Variants in DYSF observed in about 807,000 individuals in gnomAD.
DYSF encodes the protein dystrophy-associated fer-1-like 1.
DYSF carries 212 observed loss-of-function variants against 274.9 expected under a neutral mutation model. That is an observed-to-expected ratio of 0.77 (90% CI 0.69 to 0.86). DYSF has a LOEUF of 0.86. Among genes scored for constraint, DYSF ranks in the 40% least tolerant of loss-of-function variants. DYSF has a pLI of 0.00. For missense variants in DYSF, 2,666 were observed against 2,783.2 expected (o/e 0.96, Z 0.95); for synonymous variants, 1,091 against 1,078.7 (o/e 1.01, Z -0.22).
At chr2:71,558,620 C>T (rs2091496165) in intron 22 of DYSF, among the ~76,000 whole-genome samples, 1 of 152,206 alleles carries the variant, frequency 6.6e-6, no homozygotes, top group South Asian at 2.1e-4. Context: ...CCTGTGGGCC[C>T]TGAGTCCTTG....
chr2:71,505,931 C>T (rs565206832), intron 4 of DYSF, among the ~76,000 whole-genome samples: 9 of 152,276 alleles, frequency 5.9e-5, no homozygotes, highest in South Asian at 2.1e-4. Context: ...GGACCTGAGG[C>T]GGGCAGGACA....
intron 48 of DYSF, among the ~76,000 whole-genome samples, chr2:71,668,514 C>T (rs1194484840): frequency 6.6e-6 from 1 of 152,208 alleles, no homozygotes; most frequent in African/African-American, 2.4e-5. Flanking sequence ...TCAGCCACCA[C>T]CATCTCTGAG....
chr2:71,515,660 G>A lies in DYSF; in HGVS notation c.797G>A (p.Gly266Glu), dbSNP rs141497053. 24 of 1,613,880 alleles carry A rather than the reference G, an allele frequency of 1.5e-5. No homozygotes were observed. Among genetic ancestry groups the A allele is most frequent in the Admixed American group, 1.2e-4 (7 of 59,982 alleles). ...VQVIEGRQLP[G>E]VNIKPVVKVT... ...GTGATCGAGGGGCGCCAGCTGCCGG[G>A]GGTGAACATCAAGCCTGTGGTCAAG... The change falls in exon 8 of 56, where the codon GGG (glycine) becomes GAG (glutamate). Residue 266 changes from glycine (G) to glutamate (E), a missense_variant. Coordinates refer to ENST00000410020, the MANE Select transcript of DYSF (RefSeq NM_001130987.2).
At chr2:71,509,878 C>T (rs888020244) in intron 4 of DYSF, among the ~76,000 whole-genome samples, 7 of 151,838 alleles carry the variant, frequency 4.6e-5, no homozygotes, top group East Asian at 1.9e-4. Flanking sequence ...AAGGTTCAAG[C>T]GATTCTCCTG....
rs141867897 is a variant in DYSF at position 71,553,135 on chromosome 2, T to C, written c.1931T>C (p.Met644Thr). 1.8e-3 allele frequency: 2,921 copies of C among 1,614,058 alleles called. 8 individuals are homozygous for C. Among genetic ancestry groups the C allele is most frequent in the Non-Finnish European group, 2.3e-3 (2,732 of 1,180,024 alleles). ...GGGAACTACGGGAACAAGTTCGACATGACCTGCCTGCCGCTGGCCTCCACC... is the reference window on the plus strand; with the variant it reads ...GGGAACTACGGGAACAAGTTCGACACGACCTGCCTGCCGCTGGCCTCCACC... ...SIGNYGNKFD[M>T]TCLPLASTTQ... Residue 644 changes from methionine (M) to threonine (T), a missense_variant, in exon 20 of 56, where the codon ATG (methionine) becomes ACG (threonine). Physicochemically the swap from Met to Thr is moderately conservative, Grantham distance 81. Around this residue, in one of 3 missense-constraint regions of DYSF, gnomAD observed 412 missense variants for 504.0 expected, o/e 0.82. Coordinates refer to ENST00000410020, the MANE Select transcript of DYSF (RefSeq NM_001130987.2).
intron 3 of DYSF, among the ~76,000 whole-genome samples, chr2:71,493,616 C>A (rs2084079344): frequency 6.6e-6 from 1 of 152,056 alleles, no homozygotes; most frequent in East Asian, 1.9e-4. Context: ...CTTTGGGAGG[C>A]CAAGGTGGGT....
intron 22 of DYSF, among the ~76,000 whole-genome samples, chr2:71,560,120 C>G (rs1311162060): frequency 6.6e-6 from 1 of 152,204 alleles, no homozygotes; most frequent in Non-Finnish European, 1.5e-5. Context: ...CCTCCTCTTC[C>G]CGGTCTCCCC....
intron 29 of DYSF, among the ~76,000 whole-genome samples, chr2:71,571,530 GCACACA>G (rs372682959): frequency 2.0e-5 from 2 of 99,714 alleles, no homozygotes; most frequent in South Asian, 3.7e-4. Flanking sequence ...CTCACACCCA[GCACACA>G]CACATCACAC....
At chr2:71,676,812 A>C (rs1326296512) in intron 52 of DYSF, among the ~76,000 whole-genome samples, 1 of 152,112 alleles carries the variant, frequency 6.6e-6, no homozygotes. Context: ...TGTCTTTTGA[A>C]TATTTATTAC....
chr2:71,530,568 C>T (rs2088569890), intron 14 of DYSF, among the ~76,000 whole-genome samples: 1 of 152,096 alleles, frequency 6.6e-6, no homozygotes, highest in Non-Finnish European at 1.5e-5. Flanking sequence ...GGCATCTGGG[C>T]TCATGCAAGA....
intron 30 of DYSF, among the ~76,000 whole-genome samples, chr2:71,585,320 C>T (rs891027319): frequency 2.6e-5 from 4 of 152,312 alleles, no homozygotes; most frequent in Non-Finnish European, 4.4e-5. Flanking sequence ...CAATTTTCAA[C>T]AGGTCGGGCA....
chr2:71,541,016 C>T (rs756459773), intron 17 of DYSF, among the ~76,000 whole-genome samples: 26 of 152,244 alleles, frequency 1.7e-4, no homozygotes, highest in Admixed American at 5.9e-4. Flanking sequence ...CCCTATATTT[C>T]GAAATGCTGC....
intron 51 of DYSF, among the ~76,000 whole-genome samples, chr2:71,670,581 C>T (rs1251518934): frequency 6.6e-6 from 1 of 152,230 alleles, no homozygotes; most frequent in African/African-American, 2.4e-5. Context: ...GCCAAAGGCA[C>T]CTAGGGAGAC....
At chr2:71,592,827 T>C (rs922980194) in intron 32 of DYSF, among the ~76,000 whole-genome samples, 3 of 152,148 alleles carry the variant, frequency 2.0e-5, no homozygotes, top group Admixed American at 6.5e-5. Flanking sequence ...TGCCCGGACA[T>C]TGGGGCCATG....
chr2:71,465,974 A>G (rs2081506489), upstream of DYSF, among the ~76,000 whole-genome samples: 1 of 152,184 alleles, frequency 6.6e-6, no homozygotes, highest in African/African-American at 2.4e-5. Context: ...GCTGGACCCT[A>G]GTTCTCCAGG....
chr2:71,493,407 A>G, intron 3 of DYSF, among the ~76,000 whole-genome samples: 1 of 152,216 alleles, frequency 6.6e-6, no homozygotes, highest in Middle Eastern at 3.2e-3. Context: ...TGAATAATAT[A>G]GTATCCCTTT....
chr2:71,568,357 G>C lies in DYSF; in HGVS notation c.2864+19G>C, dbSNP rs2092234057. 1 of 1,613,100 alleles carries C rather than the reference G, an allele frequency of 6.2e-7. No homozygotes were observed. Among genetic ancestry groups the C allele is most frequent in the East Asian group, 2.2e-5 (1 of 44,846 alleles). ...AGAAGACGTGAGTCGTGGGCAGGGAGGGCTGGGGAGAGCCAGGCCAGGCTG... is the reference window on the plus strand; with the variant it reads ...AGAAGACGTGAGTCGTGGGCAGGGACGGCTGGGGAGAGCCAGGCCAGGCTG... On this transcript the variant is annotated intron_variant, in intron 26 of 55. Coordinates refer to ENST00000410020, the MANE Select transcript of DYSF (RefSeq NM_001130987.2).
chr2:71,622,771 G>A (rs770257442), intron 41 of DYSF, among the ~76,000 whole-genome samples: 2 of 151,912 alleles, frequency 1.3e-5, no homozygotes. Context: ...GCCCACCACC[G>A]CACTCTGTTA....
At chr2:71,478,446 C>T (rs2082590260) in intron 1 of DYSF, among the ~76,000 whole-genome samples, 2 of 152,018 alleles carry the variant, frequency 1.3e-5, no homozygotes. Flanking sequence ...CTCCTGGTCT[C>T]GTGATCCACC....
Sources: allele counts gnomAD v4.1 joint callset (sites outside exome capture counted in the v4.1 genomes callset), GRCh38; gene constraint gnomAD v4.1.1; regional missense constraint gnomAD v4.1.1; transcripts MANE v1.5; gene names NCBI Gene and HGNC (gene_info 2026-07-23, HGNC 2026-07-21).